RNF38: variants seen among roughly 807,000 people sequenced by gnomAD.
RNF38 encodes E3 ubiquitin-protein ligase RNF38.
A neutral mutation model predicts 67.2 loss-of-function variants in RNF38; 15 were observed. That is an observed-to-expected ratio of 0.22 (90% CI 0.15 to 0.34). The LOEUF (loss-of-function observed/expected upper bound fraction) is 0.34. Among genes scored for constraint, RNF38 ranks in the 10% least tolerant of loss-of-function variants. The pLI is 1.00. For missense variants in RNF38, 524 were observed against 639.9 expected (o/e 0.82, Z 1.95); for synonymous variants, 220 against 218.8 (o/e 1.01, Z -0.05).
intron 2 of RNF38, among the ~76,000 whole-genome samples, chr9:36,406,840 A>G (rs527535882): frequency 6.6e-6 from 1 of 152,330 alleles, no homozygotes; most frequent in South Asian, 2.1e-4. Context: ...TTCTTCCTCC[A>G]AAACCAGCTA....
chr9:36,359,440 A>C (rs2065470376), intron 4 of RNF38, among the ~76,000 whole-genome samples: 1 of 152,156 alleles, frequency 6.6e-6, no homozygotes, highest in South Asian at 2.1e-4. Context: ...GCACATGGAC[A>C]ATTATACTTG....
At chr9:36,414,259 T>A (rs1486064827) in intron 2 of RNF38, among the ~76,000 whole-genome samples, 1 of 152,234 alleles carries the variant, frequency 6.6e-6, no homozygotes, top group Non-Finnish European at 1.5e-5. Flanking sequence ...TATTGAGATG[T>A]TAGCTACTAT....
At position 36,336,470 on chromosome 9, in the gene RNF38, AT is replaced by A. The variant is rs1277453096; in HGVS notation, c.*3281del. The A allele has an allele frequency of 6.6e-6, 1 of 152,544 alleles. No individual in the cohort carries two copies. The highest frequency in any genetic ancestry group is 1.5e-5 in the Non-Finnish European group (1 of 68,036). The allele number at this position is 152,544 out of a possible 1,614,324, so 9.4% of individuals were successfully genotyped here. A position where few individuals can be genotyped will look rare whatever the true frequency, so the allele number is the denominator to read the frequency against. The stretch of plus-strand genomic sequence containing the variant: ...CCAAAATTGGGCACAGGGATTAAAA[AT>A]AAAAATTCATTGCACTACTTAGTAA... On this transcript the variant is annotated 3_prime_UTR_variant, in exon 12 of 12. Transcript: ENST00000259605.
Position 36,390,522 on chromosome 9 carries a change from G to A in RNF38, c.107C>T (p.Pro36Leu). Residue 36 changes from proline (P) to leucine (L), a missense_variant, in exon 2 of 12, where the codon CCA (proline) becomes CTA (leucine). This residue lies in a region of RNF38 where 461 missense variants were observed against 517.4 expected (regional missense o/e 0.89). Transcript: ENST00000259605. ...VRLQSLFPLL[P>L]SDQNTTVQED... ...TTGAACGGTAGTGTTCTGATCACTT[G>A]GGAGGAGAGGGAACAGGCTCTGAAG... is the stretch of plus-strand genomic sequence containing the variant. 1 of 1,614,006 alleles carries A rather than the reference G, an allele frequency of 6.2e-7. No individual in the cohort carries two copies. The highest frequency in any genetic ancestry group is 8.5e-7 in the Non-Finnish European group (1 of 1,179,912).
chr9:36,365,660 TAG>T (rs1834885649), intron 4 of RNF38, among the ~76,000 whole-genome samples: 2 of 88,072 alleles, frequency 2.3e-5, no homozygotes, highest in African/African-American at 8.3e-5. Flanking sequence ...TTAAGACTGA[TAG>T]TTTTTTTTTT....
At chr9:36,403,093 C>A (rs1838095040), upstream of RNF38, among the ~76,000 whole-genome samples, 1 of 152,206 alleles carries the variant, frequency 6.6e-6, no homozygotes. Flanking sequence ...AACTACCATG[C>A]ACAGCCTCTA....
At chr9:36,406,891 G>A (rs1213076106) in intron 2 of RNF38, among the ~76,000 whole-genome samples, 1 of 152,208 alleles carries the variant, frequency 6.6e-6, no homozygotes, top group Non-Finnish European at 1.5e-5. Context: ...GCCGGGCGCG[G>A]TGGCTCACGC....
intron 1 of RNF38, among the ~76,000 whole-genome samples, chr9:36,451,503 T>G (rs1393006284): frequency 7.3e-6 from 1 of 137,598 alleles, no homozygotes; most frequent in African/African-American, 2.8e-5. Flanking sequence ...TTTTTTTTTT[T>G]TTTTTTTTTT....
At chr9:36,467,870 T>C (rs1353890769) in intron 1 of RNF38, among the ~76,000 whole-genome samples, 3 of 152,056 alleles carry the variant, frequency 2.0e-5, no homozygotes, top group Non-Finnish European at 2.9e-5. Context: ...AAGGGTTTGT[T>C]TATAAAAGAA....
intron 1 of RNF38, among the ~76,000 whole-genome samples, chr9:36,429,867 G>C (rs191937281): frequency 2.0e-5 from 3 of 152,202 alleles, no homozygotes; most frequent in Admixed American, 6.5e-5. Context: ...TTTAACTGTA[G>C]TATTGTTGTT....
intron 4 of RNF38, among the ~76,000 whole-genome samples, chr9:36,367,938 A>G (rs956992926): frequency 4.6e-5 from 7 of 152,132 alleles, no homozygotes; most frequent in South Asian, 2.1e-4. Flanking sequence ...TGCAACCTCC[A>G]CCTCACAGGT....
rs921310655 is a variant in RNF38, at chr9:36,354,446, C to T, written c.910-1115G>A. On this transcript the variant is annotated intron_variant, in intron 6 of 11. Coordinates refer to ENST00000259605, the MANE Select transcript of RNF38 (RefSeq NM_022781.5). ...TCGATCTCCTGACTTTGTAATCCACCGCGCACGGCCCAGCTTTCCATTTTT... is the reference window on the plus strand; with the variant it reads ...TCGATCTCCTGACTTTGTAATCCACTGCGCACGGCCCAGCTTTCCATTTTT... 7.2e-5 allele frequency among the ~76,000 whole-genome samples: 11 copies of T among 152,158 alleles called. No homozygotes were observed. The South Asian group carries it at 1.0e-3, about 14-fold the overall frequency.
At chr9:36,341,975 A>T (rs1832886333) in intron 11 of RNF38, among the ~76,000 whole-genome samples, 1 of 152,050 alleles carries the variant, frequency 6.6e-6, no homozygotes, top group Admixed American at 6.5e-5. Context: ...TTAAATAAAA[A>T]CACTAGATGT....
At chr9:36,420,506 T>A (rs1016186164) in intron 2 of RNF38, among the ~76,000 whole-genome samples, 3 of 111,900 alleles carry the variant, frequency 2.7e-5, no homozygotes, top group Non-Finnish European at 5.5e-5. Flanking sequence ...CACTCCAGCC[T>A]GGGCAACAGA....
chr9:36,400,140 G>A lies in RNF38; in HGVS notation c.-32C>T. ...GTAAACAAAAACTTTATTTCTTTTT[G>A]GACCTCAATAACCTGAAACACTCCC... On this transcript the variant is annotated 5_prime_UTR_variant, in exon 1 of 12. Coordinates refer to ENST00000259605, the MANE Select transcript of RNF38 (RefSeq NM_022781.5). 1 of 1,610,680 alleles carries A rather than the reference G, an allele frequency of 6.2e-7. No homozygotes were observed. The highest frequency in any genetic ancestry group is 1.3e-5 in the African/African-American group (1 of 74,850).
At chr9:36,427,217 A>T (rs1409811039) in intron 1 of RNF38, among the ~76,000 whole-genome samples, 2 of 152,254 alleles carry the variant, frequency 1.3e-5, no homozygotes, top group Non-Finnish European at 2.9e-5. Context: ...GCAAAAGCAA[A>T]GCATGAGAGA....
rs745547473 is a variant in RNF38 at position 36,379,387 on chromosome 9, A to G, written c.163-3260T>C. Among the ~76,000 whole-genome samples the G allele has an allele frequency of 7.9e-5, 12 of 152,360 alleles. No individual in the cohort carries two copies. The South Asian group carries it at 1.9e-3, about 24-fold the overall frequency. ...GGAAGGGGTAGTAACCTACAAAGAAATAAGAATTATATTAACATCAGACTT... is the reference window on the plus strand; with the variant it reads ...GGAAGGGGTAGTAACCTACAAAGAAGTAAGAATTATATTAACATCAGACTT... On this transcript the variant is annotated intron_variant, in intron 2 of 11. Transcript: ENST00000259605.
Position 36,390,580 on chromosome 9 carries a change from G to T in RNF38, c.49C>A (p.His17Asn). 1 of 1,614,084 alleles carries T rather than the reference G, an allele frequency of 6.2e-7. No individual in the cohort carries two copies. The highest frequency in any genetic ancestry group is 8.5e-7 in the Non-Finnish European group (1 of 1,179,978). The change falls in exon 2 of 12, where the codon CAT (histidine) becomes AAT (asparagine). Residue 17 changes from histidine to asparagine, a missense_variant. This residue lies in a region of RNF38 where 461 missense variants were observed against 517.4 expected (regional missense o/e 0.89). Coordinates refer to ENST00000259605, the MANE Select transcript of RNF38 (RefSeq NM_022781.5). The stretch of plus-strand genomic sequence containing the variant: ...CTTTCACAAATCACCTTGTTAGGAT[G>T]GCCAGGTAGAGATGCTGAATTGGCC... ...PGANSASLPG[H>N]PNKVICERVR...
intron 1 of RNF38, among the ~76,000 whole-genome samples, chr9:36,463,168 C>T (rs1216998775): frequency 6.6e-6 from 1 of 152,106 alleles, no homozygotes; most frequent in African/African-American, 2.4e-5. Flanking sequence ...TTTATGCTTA[C>T]TGTCTGTCTC....
Sources: allele counts gnomAD v4.1 joint callset (sites outside exome capture counted in the v4.1 genomes callset), GRCh38; gene constraint gnomAD v4.1.1; regional missense constraint gnomAD v4.1.1; transcripts MANE v1.5; gene names NCBI Gene and HGNC (gene_info 2026-07-23, HGNC 2026-07-21).